The following NDUFB10 variants were observed in gnomAD, a reference collection of about 807,000 sequenced individuals.
The protein encoded by NDUFB10 is NADH dehydrogenase [ubiquinone] 1 beta subcomplex subunit 10.
A neutral mutation model predicts 19.0 loss-of-function variants in NDUFB10; 23 were observed. That is an observed-to-expected ratio of 1.21 (90% CI 0.87 to 1.71). NDUFB10 has a LOEUF of 1.71. Among genes scored for constraint, NDUFB10 ranks in the 40% most tolerant of loss-of-function variants. The pLI is 0.00. For missense variants in NDUFB10, 312 were observed against 230.6 expected, an observed-to-expected ratio of 1.35 and a Z score of -2.29; for synonymous variants, 104 against 81.8, an observed-to-expected ratio of 1.27 and a Z score of -1.46.
Position 1,961,594 on chromosome 16 carries a change from G to C in NDUFB10, c.367G>C (p.Val123Leu). ...CTACCAGCAGAACTGTATCAAGGAA[G>C]TGGAGCAGTTCACCCAGGTGGCCAA... ...QNYQQNCIKE[V>L]EQFTQVAKAY... Residue 123 changes from valine to leucine, a missense_variant, in exon 3 of 4, where the codon GTG becomes CTG. By Grantham distance (32) the Val-to-Leu change is conservative (BLOSUM62 1). Coordinates refer to ENST00000268668, the MANE Select transcript of NDUFB10 (RefSeq NM_004548.3). The C allele has an allele frequency of 1.1e-5, 17 of 1,614,046 alleles. No individual in the cohort carries two copies. Among genetic ancestry groups the C allele is most frequent in the Non-Finnish European group, 1.4e-5 (17 of 1,180,038 alleles).
intron 1 of NDUFB10, among the ~76,000 whole-genome samples, chr16:1,960,259 G>A (rs2083244689): frequency 6.7e-6 from 1 of 149,902 alleles, no homozygotes; most frequent in Non-Finnish European, 1.5e-5. Context: ...TCACTCTGTT[G>A]CCCAGGCTGG....
At chr16:1,960,442 C>G (rs552711947) in intron 1 of NDUFB10, among the ~76,000 whole-genome samples, 1 of 152,168 alleles carries the variant, frequency 6.6e-6, no homozygotes, top group Non-Finnish European at 1.5e-5. Context: ...AGGCTGGTCT[C>G]GAACTCCTGA....
At chr16:1,959,792 TG>T in intron 1 of NDUFB10, 38 bp downstream of exon 1, 1 of 1,609,374 alleles carries the variant, frequency 6.2e-7, no homozygotes, top group Non-Finnish European at 8.5e-7. Flanking sequence ...CGCCGGCCTC[TG>T]GGGACCCCTG....
intron 1 of NDUFB10, 147 bp from the exon 2 acceptor site, chr16:1,961,006 C>T (rs758334): frequency 0.15 from 149,352 of 1,001,436 alleles, 12,572 homozygotes; most frequent in South Asian, 0.27. Flanking sequence ...TGGCCACATC[C>T]CTTAGAGAGA....
At chr16:1,960,622 C>CAGATCAACCA (rs764154712) in intron 1 of NDUFB10, among the ~76,000 whole-genome samples, 1 of 152,222 alleles carries the variant, frequency 6.6e-6, no homozygotes, top group Non-Finnish European at 1.5e-5. Flanking sequence ...ATCTGGAAAC[C>CAGATCAACCA]GTGCAACAGC....
Position 1,961,643 on chromosome 16 carries a change from G to GGGCCCCCCCCCCCCCCCCCCCCCC in NDUFB10, c.409+7_409+8insGGCCCCCCCCCCCCCCCCCCCCCC. The GGGCCCCCCCCCCCCCCCCCCCCCC allele has an allele frequency of 1.2e-5, 19 of 1,546,800 alleles. No individual in the cohort carries two copies. The highest frequency in any genetic ancestry group is 3.7e-5 in the Admixed American group (2 of 54,346). Reference sequence around the variant, plus strand: ...AAGGCCTACCAGGACCGCTGTGCGTGCCCCACCCACCCCCAACCCCCCACC... The same window carrying GGGCCCCCCCCCCCCCCCCCCCCCC: ...AAGGCCTACCAGGACCGCTGTGCGTGGGCCCCCCCCCCCCCCCCCCCCCCCCCCACCCACCCCCAACCCCCCACC... On this transcript the variant is annotated splice_region_variant and intron_variant, in intron 3 of 3. Transcript: ENST00000268668.
At chr16:1,961,351 C>T in intron 2 of NDUFB10, 60 bp downstream of exon 2, 1 of 1,607,210 alleles carries the variant, frequency 6.2e-7, no homozygotes, top group South Asian at 1.1e-5. Context: ...GACACTAGTC[C>T]CTGGGATGCC....
In NDUFB10 at chr16:1,961,243, A is replaced by T. The variant is rs750246805; in HGVS notation, c.221A>T (p.Glu74Val). Reference protein sequence around the residue: ...RVPDITECKEEDIMCMYEAEM... With the variant: ...RVPDITECKEVDIMCMYEAEM... Reference sequence around the variant, plus strand: ...CCAGACATCACTGAGTGCAAGGAGGAGGACATCATGTGCATGTATGAAGCC... The same window carrying T: ...CCAGACATCACTGAGTGCAAGGAGGTGGACATCATGTGCATGTATGAAGCC... Residue 74 changes from glutamate (E) to valine (V), a missense_variant, in exon 2 of 4, where the codon GAG (glutamate) becomes GTG (valine). By Grantham distance (121) the Glu-to-Val change is moderately radical. Coordinates refer to ENST00000268668, the MANE Select transcript of NDUFB10 (RefSeq NM_004548.3). The T allele has an allele frequency of 4.3e-6, 7 of 1,613,982 alleles. No homozygotes were observed. In the Admixed American group the frequency reaches 8.3e-5, roughly 19 times the overall value.
At position 1,961,831 on chromosome 16, in the gene NDUFB10, G is replaced by C. The variant is rs779897644; in HGVS notation, c.444G>C (p.Lys148Asn). 6.4e-7 allele frequency: 1 copy of C among 1,561,890 alleles called. No individual in the cohort carries two copies. The highest frequency in any genetic ancestry group is 8.7e-7 in the Non-Finnish European group (1 of 1,152,410). ...QDLGAYSSAR[K>N]CLAKQRQRML... ...TGGGGGCCTACAGTTCTGCCAGGAA[G>C]TGCCTGGCCAAACAGAGGCAGAGGA... The change falls in exon 4 of 4, where the codon AAG becomes AAC. Residue 148 changes from lysine to asparagine, a missense_variant. Lys to Asn is a moderately conservative substitution (Grantham distance 94). Transcript: ENST00000268668.
At chr16:1,960,462 A>G (rs923024315) in intron 1 of NDUFB10, among the ~76,000 whole-genome samples, 4 of 152,114 alleles carry the variant, frequency 2.6e-5, no homozygotes, top group African/African-American at 9.7e-5. Flanking sequence ...ACCTCAGGTG[A>G]TCCTCCCACC....
At position 1,959,734 on chromosome 16, in the gene NDUFB10, G is replaced by A; in HGVS notation, c.110G>A (p.Arg37Gln). The A allele has an allele frequency of 1.2e-6, 2 of 1,613,164 alleles. No homozygotes were observed. The highest frequency in any genetic ancestry group is 3.3e-5 in the Admixed American group (2 of 60,000). The change falls in exon 1 of 4, where the codon CGA becomes CAA. Residue 37 changes from arginine to glutamine, a missense_variant. Arg to Gln is a conservative substitution (Grantham distance 43, BLOSUM62 1). Transcript: ENST00000268668. ...MMKAFDLIVDRPVTLVREFIE... is the reference protein window; with the variant it reads ...MMKAFDLIVDQPVTLVREFIE... ...AAAGCGTTCGACCTCATCGTGGACCGACCCGTGACCCTCGTGAGAGGTACG... is the reference window on the plus strand; with the variant it reads ...AAAGCGTTCGACCTCATCGTGGACCAACCCGTGACCCTCGTGAGAGGTACG...
rs867669816 is a variant in NDUFB10, at chr16:1,961,655, C to T, written c.409+19C>T. On this transcript the variant is annotated intron_variant, in intron 3 of 3. Transcript: ENST00000268668. The stretch of plus-strand genomic sequence containing the variant: ...GACCGCTGTGCGTGCCCCACCCACC[C>T]CCAACCCCCCACCATCCTCCTGAGG... 5 of 1,547,266 alleles carry T rather than the reference C, an allele frequency of 3.2e-6. No homozygotes were observed. In the East Asian group the frequency reaches 1.2e-4, roughly 38 times the overall value.
rs879193608 is a variant in NDUFB10, at chr16:1,961,248, A to G, written c.226A>G (p.Ile76Val). 6 of 1,614,104 alleles carry G rather than the reference A, an allele frequency of 3.7e-6. 1 individual carries two copies. In the South Asian group the frequency reaches 4.4e-5, roughly 12 times the overall value. Residue 76 changes from isoleucine to valine, a missense_variant, in exon 2 of 4, where the codon ATC becomes GTC. Physicochemically the swap from Ile to Val is conservative, Grantham distance 29. Transcript: ENST00000268668. ...CATCACTGAGTGCAAGGAGGAGGAC[A>G]TCATGTGCATGTATGAAGCCGAAAT... ...PDITECKEED[I>V]MCMYEAEMQW...
chr16:1,959,768 G>GC lies in NDUFB10; in HGVS notation c.130+17dup, dbSNP rs2083241442. 6.2e-7 allele frequency: 1 copy of GC among 1,612,512 alleles called. No individual in the cohort carries two copies. ...CCCTCGTGAGAGGTACGAAGCCCCAGCCCGGGGCTCCCTCGCCGGCCTCTG... is the reference window on the plus strand; with the variant it reads ...CCCTCGTGAGAGGTACGAAGCCCCAGCCCCGGGGCTCCCTCGCCGGCCTCTG... On this transcript the variant is annotated intron_variant, in intron 1 of 3. Coordinates refer to ENST00000268668, the MANE Select transcript of NDUFB10 (RefSeq NM_004548.3).
rs1436745407 is a variant in NDUFB10 at position 1,961,846 on chromosome 16, G to A, written c.459G>A (p.Gln153=). ...YSSARKCLAK[Q]RQRMLQERKA... is the part of the protein sequence containing the mutation. ...CTGCCAGGAAGTGCCTGGCCAAACAGAGGCAGAGGATGCTGCAAGAGAGAA... is the reference window on the plus strand; with the variant it reads ...CTGCCAGGAAGTGCCTGGCCAAACAAAGGCAGAGGATGCTGCAAGAGAGAA... The change falls in exon 4 of 4, where the codon CAG becomes CAA. Residue 153 remains glutamine, a synonymous_variant. Coordinates refer to ENST00000268668, the MANE Select transcript of NDUFB10 (RefSeq NM_004548.3). 2 of 1,564,762 alleles carry A rather than the reference G, an allele frequency of 1.3e-6. No homozygotes were observed. Among genetic ancestry groups the A allele is most frequent in the Non-Finnish European group, 8.7e-7 (1 of 1,154,060 alleles).
In NDUFB10 at chr16:1,961,537, C is replaced by T; in HGVS notation, c.310C>T (p.Leu104Phe). 1 of 1,614,094 alleles carries T rather than the reference C, an allele frequency of 6.2e-7. No individual in the cohort carries two copies. The highest frequency in any genetic ancestry group is 1.7e-5 in the Admixed American group (1 of 60,028). ...AATTATCAACATTATGCAGGATCGG[C>T]TCAAAGCCTGTCAGCAGAGGGAAGG... ...QEIINIMQDR[L>F]KACQQREGQN... The change falls in exon 3 of 4, where the codon CTC (leucine) becomes TTC (phenylalanine). Residue 104 changes from leucine to phenylalanine, a missense_variant. By Grantham distance (22) the Leu-to-Phe change is conservative. Coordinates refer to ENST00000268668, the MANE Select transcript of NDUFB10 (RefSeq NM_004548.3).
Position 1,961,647 on chromosome 16 carries a change from C to CA in NDUFB10, c.409+12dup. On this transcript the variant is annotated intron_variant, in intron 3 of 3. Coordinates refer to ENST00000268668, the MANE Select transcript of NDUFB10 (RefSeq NM_004548.3). ...CCTACCAGGACCGCTGTGCGTGCCC[C>CA]ACCCACCCCCAACCCCCCACCATCC... 1.3e-6 allele frequency: 2 copies of CA among 1,560,594 alleles called. No homozygotes were observed. The highest frequency in any genetic ancestry group is 1.2e-5 in the South Asian group (1 of 85,832).
intron 1 of NDUFB10, among the ~76,000 whole-genome samples, chr16:1,960,557 A>G (rs2083246926): frequency 6.6e-6 from 1 of 152,170 alleles, no homozygotes; most frequent in Non-Finnish European, 1.5e-5. Context: ...GGTGCATAGC[A>G]TGCTCTGGTG....
At chr16:1,960,225 GTT>G (rs57356094) in intron 1 of NDUFB10, among the ~76,000 whole-genome samples, 6 of 146,802 alleles carry the variant, frequency 4.1e-5, no homozygotes, top group African/African-American at 1.5e-4. Context: ...AGTTTTTGTT[GTT>G]TTTTTTTTTC....
Sources: gnomAD v4.1 joint callset for allele counts (sites outside exome capture counted in the v4.1 genomes callset) on GRCh38, gnomAD v4.1.1 for gene constraint, MANE v1.5 for transcripts, NCBI Gene and HGNC (gene_info 2026-07-23, HGNC 2026-07-21) for gene names.